Variants in CCDC152 observed in about 807,000 individuals in gnomAD.
CCDC152 encodes the protein coiled-coil domain containing 152.
CCDC152 carries 37 observed loss-of-function variants against 38.1 expected under a neutral mutation model. The ratio of observed to expected loss-of-function variants is 0.97; its 90% CI spans 0.75 to 1.28. The LOEUF is 1.28. CCDC152 is among the 50% of genes most tolerant of loss of function. The probability of loss-of-function intolerance (pLI) is 0.00; values close to 1 mark genes in which losing one functional copy is unlikely to be tolerated. For synonymous variants in CCDC152, 83 were observed against 87.1 expected (o/e 0.95, Z 0.26); for missense variants, 259 against 292.1 (o/e 0.89, Z 0.83).
intron 3 of CCDC152, among the ~76,000 whole-genome samples, chr5:42,764,712 T>G (rs1264472790): frequency 6.6e-6 from 1 of 152,144 alleles, no homozygotes; most frequent in East Asian, 1.9e-4. Context: ...AAGGATTTGA[T>G]AAAATTCAAC....
At position 42,801,479 on chromosome 5, in the gene CCDC152, AT is replaced by A; in HGVS notation, c.*1699del. The A allele has an allele frequency of 1.7e-6, 1 of 601,444 alleles. No individual in the cohort carries two copies. Among genetic ancestry groups the A allele is most frequent in the Non-Finnish European group, 2.8e-6 (1 of 354,708 alleles). The allele number at this position is 601,444 out of a possible 1,614,324, so 37.3% of individuals were successfully genotyped here. A position where few individuals can be genotyped will look rare whatever the true frequency, so the allele number is the denominator to read the frequency against. On this transcript the variant is annotated 3_prime_UTR_variant, in exon 9 of 9. Transcript: ENST00000361970. ...TATTATATTAATGAGAAAGAGTCTG[AT>A]GTTAGTCTCAACACCTAGACATTTT... is the stretch of plus-strand genomic sequence containing the variant.
At chr5:42,767,559 C>CCAA (rs974575392) in intron 3 of CCDC152, among the ~76,000 whole-genome samples, 13 of 151,826 alleles carry the variant, frequency 8.6e-5, no homozygotes, top group South Asian at 4.2e-4. Flanking sequence ...ACAGTAAAGT[C>CCAA]CAACAACAAC....
chr5:42,791,401 A>G (rs1413695173), intron 6 of CCDC152, among the ~76,000 whole-genome samples: 1 of 152,208 alleles, frequency 6.6e-6, no homozygotes, highest in Non-Finnish European at 1.5e-5. Flanking sequence ...TAATAAACCT[A>G]GCTCTATGGC....
intron 6 of CCDC152, among the ~76,000 whole-genome samples, chr5:42,795,642 C>G (rs1227516417): frequency 6.6e-6 from 1 of 152,116 alleles, no homozygotes; most frequent in African/African-American, 2.4e-5. Context: ...AAATTTCAAC[C>G]TATTTCAAAG....
At chr5:42,797,357 C>G (rs1017920701) in intron 7 of CCDC152, among the ~76,000 whole-genome samples, 1 of 152,178 alleles carries the variant, frequency 6.6e-6, no homozygotes, top group East Asian at 1.9e-4. Flanking sequence ...CTACCAGTTC[C>G]TGTGTCTCAT....
intron 5 of CCDC152, among the ~76,000 whole-genome samples, chr5:42,780,217 A>G (rs1056551607): frequency 2.0e-5 from 3 of 152,166 alleles, no homozygotes; most frequent in Non-Finnish European, 4.4e-5. Flanking sequence ...AGGAGCTTTC[A>G]ACTTGAAGAA....
At chr5:42,759,071 T>A (rs1759516011) in intron 1 of CCDC152, 49 bp from the exon 2 acceptor site, 7 of 1,292,508 alleles carry the variant, frequency 5.4e-6, no homozygotes, top group Non-Finnish European at 7.6e-6. Context: ...TTGTGGTGCT[T>A]TAGATCTTAT....
intron 6 of CCDC152, among the ~76,000 whole-genome samples, chr5:42,788,628 A>G (rs1759957177): frequency 6.6e-6 from 1 of 152,088 alleles, no homozygotes; most frequent in Non-Finnish European, 1.5e-5. Context: ...GAATTGTTTG[A>G]CTTCTTCTTA....
intron 5 of CCDC152, 69 bp from the exon 6 acceptor site, chr5:42,783,405 C>G: frequency 1.7e-6 from 1 of 575,488 alleles, no homozygotes; most frequent in Non-Finnish European, 2.4e-6. Context: ...AGAATTTCAC[C>G]TTTCTAGGAA....
chr5:42,792,944 C>A lies in CCDC152; in HGVS notation c.431-3885C>A, dbSNP rs142382113. Among the ~76,000 whole-genome samples, 200 of 152,310 alleles carry A rather than the reference C, an allele frequency of 1.3e-3. 1 individual carries two copies. Among genetic ancestry groups the A allele is most frequent in the African/African-American group, 4.5e-3 (187 of 41,568 alleles). On this transcript the variant is annotated intron_variant, in intron 6 of 8. Transcript: ENST00000361970. Reference sequence around the variant, plus strand: ...CACCATCTGACCCAGCATTCGCACTCCTGGGTATTTACCCAAGAGGAATGA... The same window carrying A: ...CACCATCTGACCCAGCATTCGCACTACTGGGTATTTACCCAAGAGGAATGA...
chr5:42,776,076 C>T (rs764636380), intron 4 of CCDC152, among the ~76,000 whole-genome samples: 14 of 151,968 alleles, frequency 9.2e-5, no homozygotes, highest in Non-Finnish European at 1.8e-4. Flanking sequence ...GTAACAAATA[C>T]GGTAGATATT....
At chr5:42,769,713 G>A (rs1759672930) in intron 4 of CCDC152, 48 bp downstream of exon 4, 1 of 1,444,348 alleles carries the variant, frequency 6.9e-7, no homozygotes, top group Non-Finnish European at 9.1e-7. Context: ...GTGTATTTGA[G>A]CACCTTTAAA....
In CCDC152 at chr5:42,800,894, G is replaced by A. The variant is rs760241140; in HGVS notation, c.*1113G>A. 1 of 1,614,194 alleles carries A rather than the reference G, an allele frequency of 6.2e-7. No individual in the cohort carries two copies. The highest frequency in any genetic ancestry group is 8.5e-7 in the Non-Finnish European group (1 of 1,180,020). On this transcript the variant is annotated 3_prime_UTR_variant, in exon 9 of 9. Transcript: ENST00000361970. ...GTCCCTGTCAGCTACATAAAGATGGGAGGTTTTCTTTACACTGTCAGGTGA... is the reference window on the plus strand; with the variant it reads ...GTCCCTGTCAGCTACATAAAGATGGAAGGTTTTCTTTACACTGTCAGGTGA...
At position 42,763,808 on chromosome 5, in the gene CCDC152, T is replaced by A. The variant is rs531562706; in HGVS notation, c.193+1260T>A. ...GAAGATATAGCCCTAAAAAGTAAAG[T>A]TTATTAAAAGTTAAAAAGATGAAAC... On this transcript the variant is annotated intron_variant, in intron 3 of 8. Transcript: ENST00000361970. 3.9e-5 allele frequency among the ~76,000 whole-genome samples: 6 copies of A among 152,222 alleles called. No homozygotes were observed. The East Asian group carries it at 1.2e-3, about 29-fold the overall frequency.
chr5:42,783,097 C>T (rs565158351), intron 5 of CCDC152, among the ~76,000 whole-genome samples: 1 of 152,168 alleles, frequency 6.6e-6, no homozygotes, highest in South Asian at 2.1e-4. Context: ...GTCTCGATCT[C>T]CTGACCTCGT....
intron 4 of CCDC152, among the ~76,000 whole-genome samples, chr5:42,777,394 G>A (rs1424555924): frequency 2.6e-5 from 4 of 151,876 alleles, no homozygotes; most frequent in African/African-American, 9.7e-5. Flanking sequence ...CCCAGGAGGG[G>A]GAGGTTGCAG....
chr5:42,796,264 AAAAG>A (rs1277908171), intron 6 of CCDC152, among the ~76,000 whole-genome samples: 40 of 151,818 alleles, frequency 2.6e-4, no homozygotes, highest in Non-Finnish European at 5.0e-4. Context: ...AAAAAAAAAA[AAAAG>A]AAAGCTAGGA....
Position 42,785,036 on chromosome 5 carries a change from G to A in CCDC152, c.430+1460G>A, listed in dbSNP as rs189707757. On this transcript the variant is annotated intron_variant, in intron 6 of 8. Coordinates refer to ENST00000361970, the MANE Select transcript of CCDC152 (RefSeq NM_001134848.2). The stretch of plus-strand genomic sequence containing the variant: ...GTAGAATAGTTTGAAGTAGGGTAAC[G>A]TGATGCCTCCATCTTTGTTCTTTTG... Among the ~76,000 whole-genome samples, 308 of 152,124 alleles carry A rather than the reference G, an allele frequency of 2.0e-3. 4 individuals carry two copies. Among genetic ancestry groups the A allele is most frequent in the Middle Eastern group, 3.4e-3 (1 of 294 alleles).
At chr5:42,772,362 A>G (rs1055029461) in intron 4 of CCDC152, among the ~76,000 whole-genome samples, 5 of 152,150 alleles carry the variant, frequency 3.3e-5, no homozygotes, top group African/African-American at 1.2e-4. Context: ...AAAACAGAAA[A>G]CTTTCTCTTT....
Sources: allele counts gnomAD v4.1 joint callset (sites outside exome capture counted in the v4.1 genomes callset), GRCh38; gene constraint gnomAD v4.1.1; transcripts MANE v1.5; gene names NCBI Gene and HGNC (gene_info 2026-07-23, HGNC 2026-07-21).